Variants in RNF128 observed in about 807,000 individuals in gnomAD.
RNF128 encodes E3 ubiquitin-protein ligase RNF128.
A neutral mutation model predicts 26.2 loss-of-function variants in RNF128; 13 were observed. That is an observed-to-expected ratio of 0.50 (90% confidence interval 0.32 to 0.79). RNF128 has a LOEUF of 0.79. Among genes scored for constraint, RNF128 ranks in the 30% least tolerant of loss-of-function variants. The probability of loss-of-function intolerance (pLI) is 0.03; values close to 1 mark genes in which losing one functional copy is unlikely to be tolerated. For missense variants in RNF128, 315 were observed against 349.7 expected, an observed-to-expected ratio of 0.90 and a Z score of 0.79; for synonymous variants, 149 against 142.5, an observed-to-expected ratio of 1.05 and a Z score of -0.32.
intron 1 of RNF128, among the ~76,000 whole-genome samples, chrX:106,720,447 C>T: frequency 9.0e-6 from 1 of 111,205 alleles, no homozygotes; most frequent in East Asian, 2.8e-4. Context: ...CTCCTGGGCT[C>T]AAGCAACTCT....
intron 1 of RNF128, among the ~76,000 whole-genome samples, chrX:106,711,728 G>C (rs1015944943): frequency 9.1e-6 from 1 of 110,337 alleles, no homozygotes; most frequent in Non-Finnish European, 1.9e-5. Flanking sequence ...TTTAAGTTCC[G>C]GGATACATGT....
At chrX:106,720,511 GC>G (rs1427860858) in intron 1 of RNF128, among the ~76,000 whole-genome samples, 1 of 111,181 alleles carries the variant, frequency 9.0e-6, no homozygotes, top group East Asian at 2.8e-4. Context: ...ACCACACCCG[GC>G]CTCATAATCT....
chrX:106,718,913 C>A (rs1929263207), intron 1 of RNF128, among the ~76,000 whole-genome samples: 1 of 111,484 alleles, frequency 9.0e-6, no homozygotes, highest in South Asian at 3.8e-4. Flanking sequence ...CTTGTTTACT[C>A]CGAGTTATTG....
At chrX:106,731,945 C>T (rs1929508427) in intron 1 of RNF128, among the ~76,000 whole-genome samples, 1 of 111,689 alleles carries the variant, frequency 9.0e-6, no homozygotes, top group South Asian at 3.7e-4. Context: ...CAGAACACAG[C>T]TCTGATCACA....
intron 1 of RNF128, among the ~76,000 whole-genome samples, chrX:106,700,684 A>G (rs1467609134): frequency 8.9e-6 from 1 of 112,043 alleles, no homozygotes; most frequent in Admixed American, 9.5e-5. Context: ...CCTTTTCAAG[A>G]GATAACTATT....
Position 106,730,923 on chromosome X carries a change from T to C in RNF128, c.484+3526T>C, listed in dbSNP as rs752938738. On this transcript the variant is annotated intron_variant, in intron 1 of 6. Coordinates refer to ENST00000255499, the MANE Select transcript of RNF128 (RefSeq NM_194463.2). ...GCTTGTGTACATTGTTGAAAGATAG[T>C]GGAACAGATTAGTTAAGAGGTTGTG... is the stretch of plus-strand genomic sequence containing the variant. Among the ~76,000 whole-genome samples, 4 of 111,616 alleles carry C rather than the reference T, an allele frequency of 3.6e-5. No homozygotes were observed. The East Asian group carries it at 8.4e-4, about 24-fold the overall frequency.
chrX:106,700,686 A>G (rs1031544152), intron 1 of RNF128, among the ~76,000 whole-genome samples: 3 of 111,977 alleles, frequency 2.7e-5, no homozygotes, highest in Non-Finnish European at 5.6e-5. Flanking sequence ...TTTTCAAGAG[A>G]TAACTATTGC....
intron 1 of RNF128, among the ~76,000 whole-genome samples, chrX:106,732,755 A>T (rs935464884): frequency 8.9e-6 from 1 of 111,742 alleles, no homozygotes; most frequent in Non-Finnish European, 1.9e-5. Flanking sequence ...GCCCTAGGTA[A>T]CAAGAAAATA....
chrX:106,788,262 T>C (rs1422994980), intron 4 of RNF128, among the ~76,000 whole-genome samples: 12 of 75,353 alleles, frequency 1.6e-4, no homozygotes, highest in African/African-American at 6.0e-4. Context: ...GCCAGCACAA[T>C]TGATATATAT....
At chrX:106,710,220 T>G (rs1447109527) in intron 1 of RNF128, among the ~76,000 whole-genome samples, 1 of 111,859 alleles carries the variant, frequency 8.9e-6, no homozygotes, top group African/African-American at 3.2e-5. Context: ...GTCTTTGATA[T>G]ACCACTAGAA....
intron 3 of RNF128, 138 bp downstream of exon 3, chrX:106,785,274 G>A: frequency 2.1e-6 from 1 of 471,870 alleles, no homozygotes; most frequent in Non-Finnish European, 3.5e-6. Flanking sequence ...GATTCTAGAG[G>A]TTGGCTGAAT....
At chrX:106,765,484 A>G (rs1345985970) in intron 1 of RNF128, among the ~76,000 whole-genome samples, 1 of 111,561 alleles carries the variant, frequency 9.0e-6, no homozygotes, top group African/African-American at 3.3e-5. Flanking sequence ...GAGAAAAGAC[A>G]AATAATGTCT....
At chrX:106,759,084 A>G (rs1355484337) in intron 1 of RNF128, among the ~76,000 whole-genome samples, 1 of 112,270 alleles carries the variant, frequency 8.9e-6, no homozygotes, top group African/African-American at 3.2e-5. Flanking sequence ...AAATCACTAA[A>G]TAGGAAAATA....
chrX:106,770,797 G>A (rs745914582), intron 1 of RNF128, among the ~76,000 whole-genome samples: 26 of 112,092 alleles, frequency 2.3e-4, no homozygotes, highest in Non-Finnish European at 4.1e-4. Flanking sequence ...TGTTGCTGGC[G>A]AGGAGCTGCA....
At chrX:106,795,362 G>A (rs761974410) in intron 6 of RNF128, among the ~76,000 whole-genome samples, 1 of 111,207 alleles carries the variant, frequency 9.0e-6, no homozygotes, top group Non-Finnish European at 1.9e-5. Context: ...ACATGTACGT[G>A]AATCAAAAAA....
intron 1 of RNF128, among the ~76,000 whole-genome samples, chrX:106,703,546 A>G (rs760654744): frequency 6.3e-5 from 7 of 111,526 alleles, no homozygotes; most frequent in African/African-American, 2.0e-4. Flanking sequence ...ACACAATACT[A>G]CCTCTCCAGT....
intron 1 of RNF128, among the ~76,000 whole-genome samples, chrX:106,721,687 T>G (rs1929315012): frequency 8.9e-6 from 1 of 112,162 alleles, no homozygotes; most frequent in Non-Finnish European, 1.9e-5. Flanking sequence ...GATATTTCAC[T>G]TGAACTTTCT....
intron 1 of RNF128, among the ~76,000 whole-genome samples, chrX:106,701,192 T>C (rs1226135083): frequency 9.0e-6 from 1 of 111,675 alleles, no homozygotes; most frequent in Non-Finnish European, 1.9e-5. Context: ...TTTATTTTAA[T>C]TCTACCTCTT....
chrX:106,740,311 C>CA (rs1929680957), intron 1 of RNF128, among the ~76,000 whole-genome samples: 1 of 111,156 alleles, frequency 9.0e-6, no homozygotes, highest in African/African-American at 3.3e-5. Flanking sequence ...CAGATCTACA[C>CA]AAAAAAATTG....
Sources: gnomAD v4.1 joint callset for allele counts (sites outside exome capture counted in the v4.1 genomes callset) on GRCh38, gnomAD v4.1.1 for gene constraint, MANE v1.5 for transcripts, NCBI Gene and HGNC (gene_info 2026-07-23, HGNC 2026-07-21) for gene names.